The following OCM variants were observed in gnomAD, a reference collection of about 807,000 sequenced individuals.
OCM encodes the protein oncomodulin-1.
In OCM, 18 loss-of-function variants were observed where a neutral mutation model predicts 14.1. The observed-to-expected ratio is 1.28, with a 90% confidence interval of 0.88 to 1.89. The LOEUF is 1.89. Ranked by LOEUF, OCM falls within the 40% of genes most tolerant of loss-of-function variation. The probability of loss-of-function intolerance (pLI) is 0.00; values close to 1 mark genes in which losing one functional copy is unlikely to be tolerated. For missense variants in OCM, 140 were observed against 137.6 expected, an observed-to-expected ratio of 1.02 and a Z score of -0.09; for synonymous variants, 48 against 51.0, an observed-to-expected ratio of 0.94 and a Z score of 0.25.
the OCM span, among the ~76,000 whole-genome samples, chr7:5,859,854 A>G: frequency 2.0e-5 from 3 of 151,528 alleles, no homozygotes; most frequent in Non-Finnish European, 4.4e-5. Context: ...CCCGCCTATA[A>G]TTTTTGTATT....
chr7:5,863,170 A>T, the OCM span, among the ~76,000 whole-genome samples: 1 of 152,080 alleles, frequency 6.6e-6, no homozygotes. Context: ...GGAGAATGGG[A>T]CCATTTGCCT....
rs7798766 is a variant in OCM, at chr7:5,884,051, G to A, written c.304+52G>A. On this transcript the variant is annotated intron_variant, in intron 3 of 3. Transcript: ENST00000242104. ...AAACACTCTAGCTCAGGAAGCATCC[G>A]TGAGGGCTTGGGCTGTGAGATCAAA... is the stretch of plus-strand genomic sequence containing the variant. The A allele has an allele frequency of 2.0e-5, 32 of 1,603,616 alleles. No individual in the cohort carries two copies. In the South Asian group the frequency reaches 2.3e-4, roughly 12 times the overall value.
At chr7:5,877,237 GT>G (rs1315843452), upstream of OCM, among the ~76,000 whole-genome samples, 24 of 152,168 alleles carry the variant, frequency 1.6e-4, 1 homozygote, top group South Asian at 3.1e-3. Context: ...GCCAAGCAGG[GT>G]GGATCACTTG....
At chr7:5,861,499 C>G in the OCM span, among the ~76,000 whole-genome samples, 1 of 151,892 alleles carries the variant, frequency 6.6e-6, no homozygotes, top group Admixed American at 6.6e-5. Flanking sequence ...GACACTTCCA[C>G]TGTGTTTTCC....
At chr7:5,866,921 T>C in the OCM span, among the ~76,000 whole-genome samples, 3 of 152,292 alleles carry the variant, frequency 2.0e-5, no homozygotes, top group South Asian at 6.2e-4. Context: ...AATATATATT[T>C]TCCAATTTAC....
upstream of OCM, among the ~76,000 whole-genome samples, chr7:5,878,691 G>A (rs1224470880): frequency 6.6e-6 from 1 of 151,342 alleles, no homozygotes; most frequent in African/African-American, 2.4e-5. Flanking sequence ...AGCTTGCAGT[G>A]AGCCAAGATC....
At chr7:5,877,216 C>A (rs1474932248), upstream of OCM, among the ~76,000 whole-genome samples, 1 of 152,016 alleles carries the variant, frequency 6.6e-6, no homozygotes, top group African/African-American at 2.4e-5. Flanking sequence ...TTAATCCCAG[C>A]ACTTTGGGAA....
At chr7:5,882,112 AAAAAAAAG>A (rs1781229570) in intron 1 of OCM, among the ~76,000 whole-genome samples, 1 of 147,994 alleles carries the variant, frequency 6.8e-6, no homozygotes, top group Non-Finnish European at 1.5e-5. Flanking sequence ...AAAAAAAAAA[AAAAAAAAG>A]CGCCAAAGGC....
At chr7:5,883,684 C>T (rs958494425) in intron 2 of OCM, among the ~76,000 whole-genome samples, 62 of 53,388 alleles carry the variant, frequency 1.2e-3, no homozygotes, top group Non-Finnish European at 1.8e-3. Flanking sequence ...AAGACCCTGT[C>T]TCAAAAACAA....
At chr7:5,866,413 GGA>G in the OCM span, among the ~76,000 whole-genome samples, 1 of 93,694 alleles carries the variant, frequency 1.1e-5, no homozygotes, top group South Asian at 4.4e-4. Flanking sequence ...AGGAAGGGGG[GGA>G]GAGAAGGAGG....
At chr7:5,871,373 T>G in the OCM span, among the ~76,000 whole-genome samples, 1 of 150,088 alleles carries the variant, frequency 6.7e-6, no homozygotes, top group Non-Finnish European at 1.5e-5. Context: ...AAAAAAAAAT[T>G]AAAGAGGTAG....
At chr7:5,873,777 G>A in the OCM span, among the ~76,000 whole-genome samples, 2 of 152,024 alleles carry the variant, frequency 1.3e-5, no homozygotes, top group Non-Finnish European at 2.9e-5. Flanking sequence ...AGTGACGGTG[G>A]CCCATGAAGA....
At chr7:5,860,847 TAC>T in the OCM span, among the ~76,000 whole-genome samples, 3,187 of 145,188 alleles carry the variant, frequency 0.022, 49 homozygotes, top group Non-Finnish European at 0.032. Context: ...TATATACACA[TAC>T]ATATACATAT....
the OCM span, among the ~76,000 whole-genome samples, chr7:5,866,784 C>G: frequency 6.6e-6 from 1 of 152,102 alleles, no homozygotes; most frequent in African/African-American, 2.4e-5. Flanking sequence ...CCCTCCCTGT[C>G]TAGTTCCAGT....
At chr7:5,860,305 T>G in the OCM span, among the ~76,000 whole-genome samples, 1 of 150,342 alleles carries the variant, frequency 6.7e-6, no homozygotes, top group African/African-American at 2.4e-5. Context: ...TGCTATAGCA[T>G]TTCACACATG....
chr7:5,885,925 G>A (rs1171556726), intron 3 of OCM, 139 bp from the exon 4 acceptor site: 1 of 645,894 alleles, frequency 1.5e-6, no homozygotes, highest in East Asian at 2.7e-5. Flanking sequence ...TCTTTCTTTT[G>A]TGCCCTCCAA....
chr7:5,869,221 C>T, the OCM span, among the ~76,000 whole-genome samples: 3 of 152,130 alleles, frequency 2.0e-5, no homozygotes, highest in Non-Finnish European at 1.5e-5. Flanking sequence ...GTGTTCCCCA[C>T]GAGGGGGTGC....
intron 3 of OCM, among the ~76,000 whole-genome samples, chr7:5,884,494 GAACA>G (rs1781293256): frequency 6.6e-6 from 1 of 152,102 alleles, no homozygotes; most frequent in African/African-American, 2.4e-5. Context: ...ATTAAACAGA[GAACA>G]AATAAGCCAA....
chr7:5,864,980 C>T, the OCM span, among the ~76,000 whole-genome samples: 1 of 151,786 alleles, frequency 6.6e-6, no homozygotes, highest in Non-Finnish European at 1.5e-5. Flanking sequence ...GATTTCCTGG[C>T]AGGAATTTTG....
Sources: gnomAD v4.1 joint callset for allele counts (sites outside exome capture counted in the v4.1 genomes callset) on GRCh38, gnomAD v4.1.1 for gene constraint, MANE v1.5 for transcripts, NCBI Gene and HGNC (gene_info 2026-07-23, HGNC 2026-07-21) for gene names.